Variants in DNAJC24 observed in about 807,000 individuals in gnomAD.
The protein encoded by DNAJC24 is DnaJ heat shock protein family (Hsp40) member C24.
A neutral mutation model predicts 18.0 loss-of-function variants in DNAJC24; 17 were observed. The observed-to-expected ratio is 0.94, with a 90% confidence interval of 0.65 to 1.42. The LOEUF is 1.42. DNAJC24 is among the 40% of genes most tolerant of loss of function. The probability of loss-of-function intolerance (pLI) is 0.00; values close to 1 mark genes in which losing one functional copy is unlikely to be tolerated. For synonymous variants in DNAJC24, 55 were observed against 57.7 expected, an observed-to-expected ratio of 0.95 and a Z score of 0.21; for missense variants, 158 against 175.6, an observed-to-expected ratio of 0.90 and a Z score of 0.57.
intron 2 of DNAJC24, among the ~76,000 whole-genome samples, chr11:31,403,159 G>GTGTA (rs1554933296): frequency 4.0e-5 from 6 of 148,220 alleles, no homozygotes; most frequent in African/African-American, 1.5e-4. Context: ...GTGTGTGTGT[G>GTGTA]TATCATTCTT....
intron 2 of DNAJC24, among the ~76,000 whole-genome samples, chr11:31,411,012 C>T (rs1375062812): frequency 1.3e-5 from 2 of 151,950 alleles, no homozygotes; most frequent in Non-Finnish European, 2.9e-5. Flanking sequence ...TTTGGGCTCT[C>T]AAGAGTAGGA....
chr11:31,407,843 A>G (rs1368227804), intron 2 of DNAJC24, among the ~76,000 whole-genome samples: 1 of 151,366 alleles, frequency 6.6e-6, no homozygotes, highest in African/African-American at 2.4e-5. Context: ...TCTGTGCTAA[A>G]TTTATCAGTG....
chr11:31,389,243 C>T (rs1952462736), intron 2 of DNAJC24, among the ~76,000 whole-genome samples: 1 of 152,084 alleles, frequency 6.6e-6, no homozygotes, highest in South Asian at 2.1e-4. Flanking sequence ...AAGACCCAAC[C>T]ATCTGTTGCC....
intron 2 of DNAJC24, chr11:31,374,038 A>G: frequency 3.0e-6 from 1 of 338,782 alleles, no homozygotes; most frequent in Non-Finnish European, 6.2e-6. Context: ...TCATTTGCAG[A>G]TAACGAGAGT....
At chr11:31,419,556 C>A (rs894291119) in intron 3 of DNAJC24, among the ~76,000 whole-genome samples, 9 of 151,926 alleles carry the variant, frequency 5.9e-5, no homozygotes, top group African/African-American at 2.2e-4. Flanking sequence ...GCTATAGAGA[C>A]CTATAGGCAA....
intron 2 of DNAJC24, among the ~76,000 whole-genome samples, chr11:31,411,599 T>G (rs1952710514): frequency 6.6e-6 from 1 of 152,180 alleles, no homozygotes. Context: ...TTCACTCCAG[T>G]CTTCAAGGGC....
intron 2 of DNAJC24, among the ~76,000 whole-genome samples, chr11:31,396,979 C>G (rs962152069): frequency 6.6e-6 from 1 of 152,170 alleles, no homozygotes; most frequent in Non-Finnish European, 1.5e-5. Context: ...CCTTCCCAAT[C>G]CTACACAGTT....
At chr11:31,416,898 A>G (rs1952755700) in intron 3 of DNAJC24, 1 of 152,128 alleles carries the variant, frequency 6.6e-6, no homozygotes, top group Admixed American at 6.5e-5. Flanking sequence ...TTGAGCTTTG[A>G]GTCCTACTTT....
chr11:31,402,353 G>A (rs937385242), intron 2 of DNAJC24, among the ~76,000 whole-genome samples: 10 of 152,278 alleles, frequency 6.6e-5, no homozygotes, highest in African/African-American at 2.4e-4. Context: ...TGCTGTGGGT[G>A]TCAATGAGTG....
intron 2 of DNAJC24, among the ~76,000 whole-genome samples, chr11:31,408,702 T>C (rs1011715031): frequency 8.5e-5 from 13 of 152,276 alleles, no homozygotes; most frequent in Admixed American, 5.9e-4. Context: ...ATCAAGAAAG[T>C]TTCTTAATCT....
chr11:31,412,561 A>G (rs147511333), intron 2 of DNAJC24, among the ~76,000 whole-genome samples: 1 of 152,322 alleles, frequency 6.6e-6, no homozygotes, highest in East Asian at 1.9e-4. Context: ...TATTGCCTTA[A>G]TATCCCAACT....
chr11:31,421,913 T>G (rs1414195987), intron 3 of DNAJC24: 2 of 428,788 alleles, frequency 4.7e-6, no homozygotes, highest in Non-Finnish European at 4.6e-6. Context: ...TTATTTAATG[T>G]TATTCTTCAG....
chr11:31,394,664 A>T (rs189027644), intron 2 of DNAJC24, among the ~76,000 whole-genome samples: 3 of 152,220 alleles, frequency 2.0e-5, no homozygotes, highest in Admixed American at 2.0e-4. Context: ...TTTAACAAAT[A>T]TTATGTTAGA....
chr11:31,398,129 G>A (rs1196731541), intron 2 of DNAJC24, among the ~76,000 whole-genome samples: 1 of 152,136 alleles, frequency 6.6e-6, no homozygotes, highest in Non-Finnish European at 1.5e-5. Flanking sequence ...ATCCTAAGAA[G>A]CCTACTTAGG....
intron 2 of DNAJC24, among the ~76,000 whole-genome samples, chr11:31,372,597 C>G (rs1952276203): frequency 7.4e-6 from 1 of 135,768 alleles, no homozygotes; most frequent in African/African-American, 2.5e-5. Flanking sequence ...GTAGGCCATG[C>G]TGGCCTTTAA....
At chr11:31,424,773 A>G (rs1024688746) in intron 3 of DNAJC24, among the ~76,000 whole-genome samples, 3 of 152,178 alleles carry the variant, frequency 2.0e-5, no homozygotes, top group African/African-American at 4.8e-5. Context: ...ACAATATTGT[A>G]TAATCTTTTT....
intron 2 of DNAJC24, among the ~76,000 whole-genome samples, chr11:31,375,027 G>C (rs1411609835): frequency 7.5e-6 from 1 of 134,184 alleles, no homozygotes; most frequent in African/African-American, 2.5e-5. Flanking sequence ...AGGGATGAAA[G>C]TGTGAGCCAG....
At chr11:31,399,743 T>C (rs1212037256) in intron 2 of DNAJC24, among the ~76,000 whole-genome samples, 1 of 145,414 alleles carries the variant, frequency 6.9e-6, no homozygotes, top group East Asian at 2.0e-4. Context: ...TTTTTTCTTT[T>C]TTTTTTTTTT....
At chr11:31,398,097 G>A (rs748671897) in intron 2 of DNAJC24, among the ~76,000 whole-genome samples, 1 of 152,120 alleles carries the variant, frequency 6.6e-6, no homozygotes. Flanking sequence ...CACCACGCCT[G>A]GCCCAATATG....
Sources: allele counts gnomAD v4.1 joint callset (sites outside exome capture counted in the v4.1 genomes callset), GRCh38; gene constraint gnomAD v4.1.1; transcripts MANE v1.5; gene names NCBI Gene and HGNC (gene_info 2026-07-23, HGNC 2026-07-21).